Variants in DLG2 observed in about 807,000 individuals in gnomAD.
DLG2 encodes the protein discs large MAGUK scaffold protein 2.
A neutral mutation model predicts 132.5 loss-of-function variants in DLG2; 45 were observed. The ratio of observed to expected loss-of-function variants is 0.34; its 90% CI spans 0.27 to 0.44. DLG2 has a LOEUF of 0.44. DLG2 is among the 20% of genes least tolerant of loss of function. DLG2 has a pLI of 1.00. For missense variants in DLG2, 1,045 were observed against 1,196.9 expected, an observed-to-expected ratio of 0.87 and a Z score of 1.87; for synonymous variants, 424 against 419.6, an observed-to-expected ratio of 1.01 and a Z score of -0.13.
Position 84,802,680 on chromosome 11 carries a change from G to A in DLG2, c.358-267949C>T, listed in dbSNP as rs138061503. Reference sequence around the variant, plus strand: ...AACTCTGGGTGGTGCAGTCAATAGTGGTAAGCCCTCTAGGCACTGAAAAAA... The same window carrying A: ...AACTCTGGGTGGTGCAGTCAATAGTAGTAAGCCCTCTAGGCACTGAAAAAA... On this transcript the variant is annotated intron_variant, in intron 6 of 27. Coordinates refer to ENST00000376104, the MANE Select transcript of DLG2 (RefSeq NM_001142699.3). Among the ~76,000 whole-genome samples the A allele has an allele frequency of 4.2e-3, 640 of 151,020 alleles. 4 individuals are homozygous for A. The highest frequency in any genetic ancestry group is 0.021 in the Middle Eastern group (6 of 282).
chr11:84,342,470 G>A (rs1256491466), intron 7 of DLG2, among the ~76,000 whole-genome samples: 1 of 152,182 alleles, frequency 6.6e-6, no homozygotes, highest in East Asian at 1.9e-4. Context: ...TGAATCAGAG[G>A]TGGAGTGGAG....
chr11:84,970,696 T>C (rs754507220), intron 6 of DLG2, among the ~76,000 whole-genome samples: 23 of 152,200 alleles, frequency 1.5e-4, no homozygotes, highest in Non-Finnish European at 3.1e-4. Context: ...ATTCAGATCA[T>C]AGCAGCTTCC....
At chr11:85,426,188 C>G (rs1305686160) in intron 3 of DLG2, among the ~76,000 whole-genome samples, 1 of 152,160 alleles carries the variant, frequency 6.6e-6, no homozygotes, top group African/African-American at 2.4e-5. Context: ...GCCTGCCTAC[C>G]TCTGTAGACT....
intron 3 of DLG2, among the ~76,000 whole-genome samples, chr11:85,503,739 C>A (rs2093859394): frequency 6.6e-6 from 1 of 151,900 alleles, no homozygotes; most frequent in Non-Finnish European, 1.5e-5. Context: ...CAAGACCGAG[C>A]CAGGTAACAC....
chr11:84,267,102 C>T (rs963685570), intron 7 of DLG2, among the ~76,000 whole-genome samples: 3 of 152,160 alleles, frequency 2.0e-5, no homozygotes, highest in African/African-American at 7.2e-5. Flanking sequence ...GTTGGAAGAC[C>T]TAGGTTCTTT....
At chr11:84,173,342 T>C (rs1323480904) in intron 8 of DLG2, among the ~76,000 whole-genome samples, 2 of 152,188 alleles carry the variant, frequency 1.3e-5, no homozygotes, top group East Asian at 3.9e-4. Context: ...TACATGCTCT[T>C]TGAGAACAGT....
chr11:84,237,151 A>T (rs2097169306), intron 8 of DLG2, among the ~76,000 whole-genome samples: 1 of 151,996 alleles, frequency 6.6e-6, no homozygotes. Context: ...GATGGTCTCC[A>T]TCTCCTGACC....
intron 18 of DLG2, among the ~76,000 whole-genome samples, chr11:83,709,765 T>TC (rs375560768): frequency 3.3e-5 from 5 of 152,002 alleles, no homozygotes; most frequent in African/African-American, 9.7e-5. Context: ...CTGGAAGTGA[T>TC]CCCCCCCAAG....
intron 3 of DLG2, among the ~76,000 whole-genome samples, chr11:85,348,407 T>G (rs1161740878): frequency 6.6e-6 from 1 of 151,688 alleles, no homozygotes; most frequent in African/African-American, 2.4e-5. Flanking sequence ...ACTTTCTTAG[T>G]AGAGACAGGG....
intron 21 of DLG2, among the ~76,000 whole-genome samples, chr11:83,517,369 C>T (rs562336381): frequency 1.2e-3 from 176 of 152,294 alleles, no homozygotes; most frequent in South Asian, 8.1e-3. Context: ...TTTTCAGCTC[C>T]GTCAGGTCCT....
chr11:84,830,094 C>A (rs1305202609), intron 6 of DLG2, among the ~76,000 whole-genome samples: 1 of 151,552 alleles, frequency 6.6e-6, no homozygotes, highest in Non-Finnish European at 1.5e-5. Flanking sequence ...ACCATGTATT[C>A]AGAGCTTTTA....
intron 11 of DLG2, among the ~76,000 whole-genome samples, chr11:84,040,764 A>G (rs918984443): frequency 3.3e-5 from 5 of 150,930 alleles, no homozygotes; most frequent in African/African-American, 1.2e-4. Context: ...GAAGAAAGTC[A>G]TTGGTAGCTT....
chr11:84,659,808 C>T (rs2099692524), intron 6 of DLG2, among the ~76,000 whole-genome samples: 1 of 152,108 alleles, frequency 6.6e-6, no homozygotes, highest in Non-Finnish European at 1.5e-5. Flanking sequence ...TTATCATTCA[C>T]TAGAAAGACT....
intron 6 of DLG2, among the ~76,000 whole-genome samples, chr11:84,659,937 C>A (rs1393656955): frequency 6.6e-6 from 1 of 152,124 alleles, no homozygotes; most frequent in Non-Finnish European, 1.5e-5. Context: ...AGGTGCCAAA[C>A]ATGGGGCTTC....
intron 6 of DLG2, among the ~76,000 whole-genome samples, chr11:85,074,177 C>T (rs1015995215): frequency 2.6e-5 from 4 of 151,848 alleles, no homozygotes; most frequent in African/African-American, 9.7e-5. Flanking sequence ...ACAATCTGTA[C>T]ACCAAACCCC....
rs575344245 is a variant in DLG2, at chr11:83,613,617, T to G, written c.1940+19594A>C. Among the ~76,000 whole-genome samples, 3 of 152,202 alleles carry G rather than the reference T, an allele frequency of 2.0e-5. No homozygotes were observed. In the South Asian group the frequency reaches 6.2e-4, roughly 31 times the overall value. ...ATTCTGAGTCAACTAATGTTAAATGTGATTAAAATTGAAAGTCATTTTAGG... is the reference window on the plus strand; with the variant it reads ...ATTCTGAGTCAACTAATGTTAAATGGGATTAAAATTGAAAGTCATTTTAGG... On this transcript the variant is annotated intron_variant, in intron 19 of 27. Transcript: ENST00000376104.
chr11:84,311,807 T>C (rs2098290370), intron 7 of DLG2, among the ~76,000 whole-genome samples: 1 of 152,208 alleles, frequency 6.6e-6, no homozygotes, highest in African/African-American at 2.4e-5. Context: ...CTCACAGGGC[T>C]CAATGTTCCG....
intron 6 of DLG2, among the ~76,000 whole-genome samples, chr11:84,875,541 G>A (rs931979660): frequency 6.7e-6 from 1 of 150,164 alleles, no homozygotes; most frequent in Non-Finnish European, 1.5e-5. Context: ...CATCAACTAT[G>A]TACATCATGG....
At chr11:83,906,734 G>A (rs2075057368) in intron 15 of DLG2, among the ~76,000 whole-genome samples, 2 of 152,034 alleles carry the variant, frequency 1.3e-5, no homozygotes, top group Admixed American at 6.6e-5. Flanking sequence ...CAAGGTAATT[G>A]GGTCAATGAG....
Sources: allele counts gnomAD v4.1 joint callset (sites outside exome capture counted in the v4.1 genomes callset), GRCh38; gene constraint gnomAD v4.1.1; transcripts MANE v1.5; gene names NCBI Gene and HGNC (gene_info 2026-07-23, HGNC 2026-07-21).